PTPRG: variants seen among roughly 807,000 people sequenced by gnomAD.
PTPRG encodes the protein protein tyrosine phosphatase receptor type G, also known as receptor-type tyrosine-protein phosphatase gamma.
PTPRG carries 102 observed loss-of-function variants against 165.3 expected under a neutral mutation model. That is an observed-to-expected ratio of 0.62 (90% confidence interval 0.53 to 0.73). The LOEUF (loss-of-function observed/expected upper bound fraction) is 0.73, where lower values mean the gene tolerates loss of function less well. Among genes scored for constraint, PTPRG ranks in the 30% least tolerant of loss-of-function variants. The pLI is 0.00. For missense variants in PTPRG, 1,866 were observed against 1,861.4 expected (o/e 1.00, Z -0.05); for synonymous variants, 675 against 669.5 (o/e 1.01, Z -0.13).
intron 2 of PTPRG, among the ~76,000 whole-genome samples, chr3:61,957,259 G>A (rs6762311): frequency 1.3e-5 from 2 of 152,134 alleles, no homozygotes; most frequent in Admixed American, 6.5e-5. Context: ...TTTGACGAAG[G>A]TAGTGCGTTG....
At chr3:62,002,309 A>G (rs1157961921) in intron 3 of PTPRG, among the ~76,000 whole-genome samples, 3 of 152,170 alleles carry the variant, frequency 2.0e-5, no homozygotes, top group Admixed American at 6.5e-5. Context: ...AGAGGAGACA[A>G]TGAGGATAAG....
intron 8 of PTPRG, among the ~76,000 whole-genome samples, chr3:62,180,058 T>G (rs767400945): frequency 2.0e-5 from 3 of 152,204 alleles, no homozygotes; most frequent in African/African-American, 4.8e-5. Flanking sequence ...ACTACCTGTT[T>G]CCAAGAGAAA....
chr3:61,714,294 C>T (rs2031707689), intron 1 of PTPRG, among the ~76,000 whole-genome samples: 3 of 151,896 alleles, frequency 2.0e-5, no homozygotes, highest in Admixed American at 6.6e-5. Context: ...CCCATAGCTG[C>T]GAGGAATAAA....
intron 1 of PTPRG, among the ~76,000 whole-genome samples, chr3:61,714,144 T>C (rs904156106): frequency 1.3e-5 from 2 of 152,214 alleles, no homozygotes; most frequent in Admixed American, 6.5e-5. Context: ...TGTGCCATAT[T>C]TCTGCAAACC....
At chr3:61,764,603 C>T (rs114219390) in intron 2 of PTPRG, among the ~76,000 whole-genome samples, 2,215 of 152,224 alleles carry the variant, frequency 0.015, 27 homozygotes, top group South Asian at 0.036. Flanking sequence ...GATACTTGAG[C>T]AGACATCTGA....
chr3:61,604,840 T>TC (rs1190211456), intron 1 of PTPRG, among the ~76,000 whole-genome samples: 1 of 152,150 alleles, frequency 6.6e-6, no homozygotes, highest in Non-Finnish European at 1.5e-5. Context: ...TCAATAAAAC[T>TC]CCTTGTAGAT....
chr3:61,864,253 T>C (rs192368527), intron 2 of PTPRG, among the ~76,000 whole-genome samples: 3 of 152,170 alleles, frequency 2.0e-5, no homozygotes, highest in Admixed American at 1.3e-4. Context: ...GAACCTTTTG[T>C]ATCATTTTAC....
chr3:62,176,571 G>GA (rs1705432085), intron 8 of PTPRG, among the ~76,000 whole-genome samples: 1 of 152,134 alleles, frequency 6.6e-6, no homozygotes, highest in African/African-American at 2.4e-5. Flanking sequence ...TTGTGGGAAT[G>GA]AGGTGCTCTT....
intron 2 of PTPRG, among the ~76,000 whole-genome samples, chr3:61,981,497 G>C (rs1231966374): frequency 6.6e-6 from 1 of 152,194 alleles, no homozygotes; most frequent in Non-Finnish European, 1.5e-5. Flanking sequence ...TTAGATATTA[G>C]TATTTGGATG....
chr3:61,624,875 G>C (rs1409285062), intron 1 of PTPRG, among the ~76,000 whole-genome samples: 1 of 152,130 alleles, frequency 6.6e-6, no homozygotes, highest in Non-Finnish European at 1.5e-5. Context: ...CACAAACTGG[G>C]AGGCTCAGAT....
chr3:62,273,594 T>G lies in PTPRG; in HGVS notation c.3319-104T>G. ...GCTGTAAGTGCTTGAAGGAAATCACTGGGAGGTCCCTGTTAGCAGCAGAAT... is the reference window on the plus strand; with the variant it reads ...GCTGTAAGTGCTTGAAGGAAATCACGGGGAGGTCCCTGTTAGCAGCAGAAT... On this transcript the variant is annotated intron_variant, in intron 22 of 29. Transcript: ENST00000474889. This position sits in a 1 kb window ranked among gnomAD's most constrained non-coding sequence, Gnocchi z 4.1. The G allele has an allele frequency of 8.7e-7, 1 of 1,145,920 alleles. No individual in the cohort carries two copies. The highest frequency in any genetic ancestry group is 1.3e-6 in the Non-Finnish European group (1 of 779,110). The allele number at this position is 1,145,920 out of a possible 1,614,324, so 71.0% of individuals were successfully genotyped here. A position where few individuals can be genotyped will look rare whatever the true frequency, so the allele number is the denominator to read the frequency against.
At chr3:61,894,807 C>T (rs2038307694) in intron 2 of PTPRG, among the ~76,000 whole-genome samples, 1 of 152,118 alleles carries the variant, frequency 6.6e-6, no homozygotes, top group Admixed American at 6.5e-5. Flanking sequence ...AGATCAGATC[C>T]ACTTAGTAGC....
chr3:61,628,029 A>G (rs946258025), intron 1 of PTPRG, among the ~76,000 whole-genome samples: 1 of 152,186 alleles, frequency 6.6e-6, no homozygotes, highest in Admixed American at 6.5e-5. Context: ...TTAAGTTTAG[A>G]TAACTGAGAT....
intron 6 of PTPRG, among the ~76,000 whole-genome samples, chr3:62,155,405 G>A (rs953387923): frequency 6.6e-6 from 1 of 152,206 alleles, no homozygotes; most frequent in African/African-American, 2.4e-5. Context: ...GCATAGTGAT[G>A]TGAATAATAA....
intron 5 of PTPRG, among the ~76,000 whole-genome samples, chr3:62,114,451 T>A (rs1414391137): frequency 6.6e-6 from 1 of 152,032 alleles, no homozygotes; most frequent in African/African-American, 2.4e-5. Context: ...AGGGCATTTT[T>A]GTTGTTGTTG....
chr3:62,093,550 C>T (rs369614342), intron 5 of PTPRG, among the ~76,000 whole-genome samples: 2 of 152,186 alleles, frequency 1.3e-5, no homozygotes, highest in Admixed American at 1.3e-4. Flanking sequence ...GAGATTTGCT[C>T]ATAAGGTGGA....
At chr3:61,640,672 T>C (rs1304313152) in intron 1 of PTPRG, among the ~76,000 whole-genome samples, 3 of 152,220 alleles carry the variant, frequency 2.0e-5, no homozygotes, top group African/African-American at 7.2e-5. Flanking sequence ...TCTTCACCCT[T>C]TTCATGATGC....
At chr3:61,874,123 T>A (rs2037658974) in intron 2 of PTPRG, among the ~76,000 whole-genome samples, 1 of 152,146 alleles carries the variant, frequency 6.6e-6, no homozygotes, top group Non-Finnish European at 1.5e-5. Context: ...CCAGAGTGCA[T>A]CCCATTGAGC....
At chr3:61,896,860 T>C (rs971858259) in intron 2 of PTPRG, among the ~76,000 whole-genome samples, 3 of 152,176 alleles carry the variant, frequency 2.0e-5, no homozygotes, top group African/African-American at 7.2e-5. Context: ...GCTATCTGTA[T>C]GTCGTCTTTG....
Sources: gnomAD v4.1 joint callset for allele counts (sites outside exome capture counted in the v4.1 genomes callset) on GRCh38, gnomAD v4.1.1 for gene constraint, Gnocchi (gnomAD v3.1) non-coding constraint, MANE v1.5 for transcripts, NCBI Gene and HGNC (gene_info 2026-07-23, HGNC 2026-07-21) for gene names.